OSBPL10: variants seen among roughly 807,000 people sequenced by gnomAD.
The protein encoded by OSBPL10 is oxysterol binding protein like 10, also known as oxysterol-binding protein-related protein 10.
A neutral mutation model predicts 81.7 loss-of-function variants in OSBPL10; 49 were observed. The observed-to-expected ratio is 0.60, with a 90% CI of 0.48 to 0.76. The LOEUF (loss-of-function observed/expected upper bound fraction) is 0.76. Ranked by LOEUF, OSBPL10 falls within the 30% of genes least tolerant of loss-of-function variation. The pLI is 0.00. For missense variants in OSBPL10, 923 were observed against 987.8 expected, an observed-to-expected ratio of 0.93 and a Z score of 0.88; for synonymous variants, 419 against 383.6, an observed-to-expected ratio of 1.09 and a Z score of -1.08.
intron 1 of OSBPL10, among the ~76,000 whole-genome samples, chr3:32,077,207 A>C (rs1699882763): frequency 6.6e-6 from 1 of 152,198 alleles, no homozygotes; most frequent in African/African-American, 2.4e-5. Context: ...AGTTAGAAGC[A>C]AGATGGAATT....
In OSBPL10 at chr3:31,692,442, C is replaced by A. The variant is rs548273835; in HGVS notation, c.1246-8328G>T. On this transcript the variant is annotated intron_variant, in intron 7 of 11. Transcript: ENST00000396556. ...CCTCATTTGGAGACCAGGGAAGATA[C>A]GAGCAACAGGCATTAGACACAAACT... Among the ~76,000 whole-genome samples the A allele has an allele frequency of 3.9e-5, 6 of 152,150 alleles. No homozygotes were observed. The South Asian group carries it at 1.2e-3, about 32-fold the overall frequency.
chr3:31,780,470 G>C (rs114233574), intron 4 of OSBPL10, among the ~76,000 whole-genome samples: 2,772 of 147,868 alleles, frequency 0.019, 79 homozygotes, highest in African/African-American at 0.064. Flanking sequence ...AAAAAGATCA[G>C]AATAGAACTA....
intron 3 of OSBPL10, among the ~76,000 whole-genome samples, chr3:31,848,376 G>A (rs985852794): frequency 3.3e-5 from 5 of 151,660 alleles, no homozygotes; most frequent in Admixed American, 6.6e-5. Flanking sequence ...CATACGGCAA[G>A]TTCAAGGTCA....
intron 4 of OSBPL10, among the ~76,000 whole-genome samples, chr3:31,761,222 C>A (rs369612948): frequency 6.6e-6 from 1 of 152,180 alleles, no homozygotes; most frequent in East Asian, 1.9e-4. Context: ...ACCTGTAATC[C>A]CAGCACTTTG....
intron 2 of OSBPL10, among the ~76,000 whole-genome samples, chr3:32,045,430 G>C (rs2125561470): frequency 6.6e-6 from 1 of 152,306 alleles, no homozygotes; most frequent in African/African-American, 2.4e-5. Context: ...TTTACAAAAA[G>C]ACAGCCAAGA....
intron 1 of OSBPL10, among the ~76,000 whole-genome samples, chr3:31,965,754 T>A (rs1329025349): frequency 2.9e-5 from 2 of 68,770 alleles, no homozygotes; most frequent in African/African-American, 1.2e-4. Flanking sequence ...ATAATATATA[T>A]TATATTAAAA....
Position 31,830,057 on chromosome 3 carries a change from G to A in OSBPL10, c.712C>T (p.Leu238Phe), listed in dbSNP as rs775592224. 1.2e-6 allele frequency: 2 copies of A among 1,613,246 alleles called. No individual in the cohort carries two copies. ...RRAKSQYSGQ[L>F]HEVREMMNQV... is the part of the protein sequence containing the mutation. Reference sequence around the variant, plus strand: ...AAGCCTACCTCTCTGACTTCGTGAAGCTGGCCGGAATACTGACTCTTGGCT... The same window carrying A: ...AAGCCTACCTCTCTGACTTCGTGAAACTGGCCGGAATACTGACTCTTGGCT... The change falls in exon 4 of 12, where the codon CTT (leucine) becomes TTT (phenylalanine). Residue 238 changes from leucine to phenylalanine, a missense_variant. Coordinates refer to ENST00000396556, the MANE Select transcript of OSBPL10 (RefSeq NM_017784.5).
chr3:32,002,329 A>G (rs1699157041), intron 2 of OSBPL10, among the ~76,000 whole-genome samples: 1 of 152,198 alleles, frequency 6.6e-6, no homozygotes, highest in Non-Finnish European at 1.5e-5. Context: ...AAGAGACCAC[A>G]CACCAGGAGA....
intron 1 of OSBPL10, among the ~76,000 whole-genome samples, chr3:31,883,713 G>C (rs112714904): frequency 0.24 from 36,542 of 151,832 alleles, 4,522 homozygotes; most frequent in African/African-American, 0.27. Flanking sequence ...TGCATTTTCA[G>C]TAGAGACAGG....
At chr3:32,033,687 T>C (rs907026161) in intron 2 of OSBPL10, among the ~76,000 whole-genome samples, 1 of 152,240 alleles carries the variant, frequency 6.6e-6, no homozygotes. Flanking sequence ...TATCTGCCTT[T>C]AAGACAGTAA....
chr3:31,769,994 G>A (rs532914566), intron 4 of OSBPL10, among the ~76,000 whole-genome samples: 31 of 152,252 alleles, frequency 2.0e-4, no homozygotes, highest in African/African-American at 7.5e-4. Flanking sequence ...TGATGACAAG[G>A]TTCTGCCTGT....
chr3:31,772,271 T>C (rs1380714764), intron 4 of OSBPL10, among the ~76,000 whole-genome samples: 2 of 152,188 alleles, frequency 1.3e-5, no homozygotes, highest in Non-Finnish European at 2.9e-5. Context: ...TTTATTAGTA[T>C]TGAAAACCAG....
chr3:32,008,246 A>G (rs1699223126), intron 2 of OSBPL10, among the ~76,000 whole-genome samples: 1 of 147,204 alleles, frequency 6.8e-6, no homozygotes, highest in Non-Finnish European at 1.5e-5. Flanking sequence ...TCCACCTCCC[A>G]GGTTCAAGCA....
chr3:31,832,791 G>A (rs1171170479), intron 3 of OSBPL10, among the ~76,000 whole-genome samples: 1 of 152,176 alleles, frequency 6.6e-6, no homozygotes, highest in African/African-American at 2.4e-5. Context: ...AAGCTAGACA[G>A]GCAAGGCAGC....
At chr3:31,905,585 A>G (rs1696385466) in intron 1 of OSBPL10, among the ~76,000 whole-genome samples, 1 of 151,864 alleles carries the variant, frequency 6.6e-6, no homozygotes, top group Non-Finnish European at 1.5e-5. Context: ...CCTGACCTCA[A>G]GTGATCCACC....
At chr3:31,985,717 G>A (rs1698925094), upstream of OSBPL10, among the ~76,000 whole-genome samples, 1 of 152,206 alleles carries the variant, frequency 6.6e-6, no homozygotes, top group African/African-American at 2.4e-5. Flanking sequence ...TATCAACTTG[G>A]TCATGTCTGT....
chr3:31,951,082 G>A (rs1294780975), intron 1 of OSBPL10, among the ~76,000 whole-genome samples: 1 of 152,090 alleles, frequency 6.6e-6, no homozygotes, highest in African/African-American at 2.4e-5. Flanking sequence ...GTGTGTACTG[G>A]GAGATACATA....
chr3:31,836,494 T>C (rs1333088465), intron 3 of OSBPL10, among the ~76,000 whole-genome samples: 2 of 151,710 alleles, frequency 1.3e-5, no homozygotes, highest in Admixed American at 6.6e-5. Flanking sequence ...TGCGCTTTTT[T>C]CCCCCATCAT....
intron 1 of OSBPL10, among the ~76,000 whole-genome samples, chr3:31,975,314 G>A (rs957988572): frequency 2.0e-5 from 3 of 151,986 alleles, no homozygotes; most frequent in South Asian, 2.1e-4. Context: ...ATGTACACGC[G>A]GACAAGAATA....
Sources: allele counts gnomAD v4.1 joint callset (sites outside exome capture counted in the v4.1 genomes callset), GRCh38; gene constraint gnomAD v4.1.1; transcripts MANE v1.5; gene names NCBI Gene and HGNC (gene_info 2026-07-23, HGNC 2026-07-21).